The following ZNF536 variants were observed in gnomAD, a reference collection of about 807,000 sequenced individuals.
The protein encoded by ZNF536 is zinc finger protein 536.
A neutral mutation model predicts 84.5 loss-of-function variants in ZNF536; 13 were observed. The ratio of observed to expected loss-of-function variants is 0.15; its 90% confidence interval spans 0.10 to 0.24. The LOEUF is 0.24. ZNF536 is among the 10% of genes least tolerant of loss of function. The pLI, the probability that ZNF536 is intolerant of heterozygous loss-of-function variation, is 1.00. For missense variants in ZNF536, 1,536 were observed against 1,747.5 expected (o/e 0.88, Z 2.16); for synonymous variants, 811 against 742.5 (o/e 1.09, Z -1.50).
At chr19:30,648,362 T>C (rs1330124810) in intron 1 of ZNF536, among the ~76,000 whole-genome samples, 1 of 152,126 alleles carries the variant, frequency 6.6e-6, no homozygotes, top group Non-Finnish European at 1.5e-5. Context: ...CACTCTCAGG[T>C]TGTAAATTCT....
At chr19:30,589,662 G>C (rs941966138) in intron 1 of ZNF536, among the ~76,000 whole-genome samples, 3 of 152,138 alleles carry the variant, frequency 2.0e-5, no homozygotes, top group Non-Finnish European at 2.9e-5. Context: ...TACCAAGCTG[G>C]TCACCATAGT....
intron 1 of ZNF536, among the ~76,000 whole-genome samples, chr19:30,685,233 C>A (rs971835021): frequency 5.9e-5 from 9 of 152,194 alleles, no homozygotes; most frequent in Non-Finnish European, 2.9e-5. Flanking sequence ...GGTGCGACTG[C>A]ACCCCTGTCT....
exon 2 of ZNF536, chr19:30,712,789 G>A (rs529590398): frequency 7.9e-5 from 12 of 152,278 alleles, no homozygotes; most frequent in African/African-American, 2.9e-4. Context: ...TGATCCTAGA[G>A]AAAGGACTGA....
chr19:30,330,247 T>C (rs1378903793), intron 2 of ZNF536, among the ~76,000 whole-genome samples: 3 of 152,192 alleles, frequency 2.0e-5, no homozygotes, highest in Non-Finnish European at 4.4e-5. Context: ...ATGTAGAAGT[T>C]TGTGGCCAAT....
At chr19:30,495,575 C>A (rs1418064974) in intron 2 of ZNF536, among the ~76,000 whole-genome samples, 2 of 152,162 alleles carry the variant, frequency 1.3e-5, no homozygotes, top group African/African-American at 2.4e-5. Flanking sequence ...AGATAGCAGG[C>A]AAATACAACC....
At chr19:30,531,235 T>C (rs1308902173) in intron 2 of ZNF536, among the ~76,000 whole-genome samples, 1 of 152,130 alleles carries the variant, frequency 6.6e-6, no homozygotes, top group Non-Finnish European at 1.5e-5. Flanking sequence ...ATATCCAAGA[T>C]AGAAAGATAA....
At chr19:30,408,334 T>C (rs928446900) in intron 1 of ZNF536, among the ~76,000 whole-genome samples, 19 of 152,306 alleles carry the variant, frequency 1.2e-4, no homozygotes, top group Admixed American at 1.2e-3. Context: ...GTGTTAAGCA[T>C]TTGTCTGTAC....
At chr19:30,668,967 G>A (rs2050438863) in intron 1 of ZNF536, among the ~76,000 whole-genome samples, 1 of 152,224 alleles carries the variant, frequency 6.6e-6, no homozygotes, top group African/African-American at 2.4e-5. Context: ...GCAGCTCAGC[G>A]AGGGTGGTCT....
chr19:30,321,875 T>G (rs2046870753), intron 2 of ZNF536, among the ~76,000 whole-genome samples: 2 of 151,982 alleles, frequency 1.3e-5, no homozygotes, highest in Admixed American at 1.3e-4. Context: ...CCTCCAAGGT[T>G]CAATCAATTC....
At chr19:30,653,471 T>A (rs987552986) in intron 1 of ZNF536, among the ~76,000 whole-genome samples, 5 of 152,236 alleles carry the variant, frequency 3.3e-5, no homozygotes, top group Admixed American at 6.5e-5. Context: ...GTTTGACTTG[T>A]CCGATATTAC....
At chr19:30,324,078 C>T (rs2046944214) in intron 2 of ZNF536, among the ~76,000 whole-genome samples, 1 of 151,864 alleles carries the variant, frequency 6.6e-6, no homozygotes, top group African/African-American at 2.4e-5. Context: ...TCATCATCAT[C>T]CATCATCTAT....
At chr19:30,361,248 T>C (rs1302203034) in intron 3 of ZNF536, among the ~76,000 whole-genome samples, 1 of 152,270 alleles carries the variant, frequency 6.6e-6, no homozygotes, top group African/African-American at 2.4e-5. Context: ...ACTCTCCCTG[T>C]GTGCCTGGGC....
At chr19:30,333,177 GTAAA>G (rs1053002745) in intron 2 of ZNF536, among the ~76,000 whole-genome samples, 232 of 152,148 alleles carry the variant, frequency 1.5e-3, no homozygotes, top group Admixed American at 3.3e-3. Flanking sequence ...AAGTAAGTAA[GTAAA>G]TAAATAAATA....
intron 1 of ZNF536, among the ~76,000 whole-genome samples, chr19:30,248,299 G>A (rs978188669): frequency 3.0e-5 from 4 of 134,642 alleles, no homozygotes; most frequent in Non-Finnish European, 6.1e-5. Context: ...TTGGCTCACC[G>A]CAACCTCTGC....
At chr19:30,274,057 TTAAAAAG>T (rs1319766101) in intron 1 of ZNF536, among the ~76,000 whole-genome samples, 1 of 152,138 alleles carries the variant, frequency 6.6e-6, no homozygotes, top group African/African-American at 2.4e-5. Context: ...ATAACCAATT[TTAAAAAG>T]TAAAAAGTAA....
intron 2 of ZNF536, among the ~76,000 whole-genome samples, chr19:30,495,670 A>G (rs1205344134): frequency 1.3e-5 from 2 of 152,200 alleles, no homozygotes; most frequent in Admixed American, 1.3e-4. Context: ...GGACCAGTTT[A>G]CCAACTCAGT....
chr19:30,432,459 G>A (rs1180559176), intron 1 of ZNF536, among the ~76,000 whole-genome samples: 2 of 152,120 alleles, frequency 1.3e-5, no homozygotes, highest in African/African-American at 4.8e-5. Context: ...CCTGGAGCAC[G>A]TGAAGCCAGG....
intron 2 of ZNF536, among the ~76,000 whole-genome samples, chr19:30,457,056 A>C (rs989812549): frequency 2.0e-5 from 3 of 150,640 alleles, no homozygotes; most frequent in African/African-American, 7.3e-5. Context: ...AAAAAAAAAA[A>C]CAAAAAAAAA....
intron 1 of ZNF536, among the ~76,000 whole-genome samples, chr19:30,696,525 C>G (rs546917578): frequency 2.6e-5 from 4 of 152,198 alleles, no homozygotes; most frequent in African/African-American, 9.7e-5. Context: ...TTAAGGTCCC[C>G]GATCAATAGT....
Sources: gnomAD v4.1 joint callset for allele counts (sites outside exome capture counted in the v4.1 genomes callset) on GRCh38, gnomAD v4.1.1 for gene constraint, MANE v1.5 for transcripts, NCBI Gene and HGNC (gene_info 2026-07-23, HGNC 2026-07-21) for gene names.